ANGPT1: variants seen among roughly 807,000 people sequenced by gnomAD.
The protein encoded by ANGPT1 is angiopoietin 1.
ANGPT1 carries 17 observed loss-of-function variants against 62.2 expected under a neutral mutation model. The ratio of observed to expected loss-of-function variants is 0.27; its 90% CI spans 0.19 to 0.41. The LOEUF is 0.41. Ranked by LOEUF, ANGPT1 falls within the 10% of genes least tolerant of loss-of-function variation. ANGPT1 has a pLI of 1.00. For synonymous variants in ANGPT1, 199 were observed against 198.9 expected, an observed-to-expected ratio of 1.00 and a Z score of 0.00; for missense variants, 478 against 594.9, an observed-to-expected ratio of 0.80 and a Z score of 2.04.
intron 1 of ANGPT1, among the ~76,000 whole-genome samples, chr8:107,476,326 A>G (rs867221813): frequency 1.3e-5 from 2 of 152,264 alleles, no homozygotes; most frequent in South Asian, 4.1e-4. Context: ...TCAGCAAACT[A>G]TTGCAAGGAC....
At chr8:107,290,623 A>G (rs1814251089) in intron 6 of ANGPT1, among the ~76,000 whole-genome samples, 1 of 152,222 alleles carries the variant, frequency 6.6e-6, no homozygotes, top group East Asian at 1.9e-4. Flanking sequence ...CATATGATGA[A>G]TATTTTCAAT....
At position 107,295,460 on chromosome 8, in the gene ANGPT1, C is replaced by T. The variant is rs917375777; in HGVS notation, c.937-1423G>A. 1.3e-5 allele frequency: 2 copies of T among 152,084 alleles called. 1 individual carries two copies. Among genetic ancestry groups the T allele is most frequent in the Non-Finnish European group, 2.9e-5 (2 of 68,022 alleles). The allele number at this position is 152,084 out of a possible 1,614,324, so 9.4% of individuals were successfully genotyped here. A position where few individuals can be genotyped will look rare whatever the true frequency, so the allele number is the denominator to read the frequency against. On this transcript the variant is annotated intron_variant, in intron 5 of 8. Coordinates refer to ENST00000517746, the MANE Select transcript of ANGPT1 (RefSeq NM_001146.5). ...TTACTCAACAACCATTCTTGGGCAT[C>T]AGTTTTCACTTACAACTGGGGGTAT...
chr8:107,352,761 C>T (rs998880427), intron 1 of ANGPT1, among the ~76,000 whole-genome samples: 2 of 152,032 alleles, frequency 1.3e-5, no homozygotes, highest in African/African-American at 4.8e-5. Flanking sequence ...TTAAATGGAC[C>T]TTCATTGGAT....
chr8:107,299,766 T>C (rs1202161889), intron 5 of ANGPT1, among the ~76,000 whole-genome samples: 2 of 122,436 alleles, frequency 1.6e-5, no homozygotes, highest in Non-Finnish European at 3.3e-5. Context: ...TGTAGTTATA[T>C]CTAGATATAC....
intron 1 of ANGPT1, among the ~76,000 whole-genome samples, chr8:107,458,218 T>C (rs1309142513): frequency 6.6e-6 from 1 of 152,198 alleles, no homozygotes; most frequent in African/African-American, 2.4e-5. Flanking sequence ...TATGATCACA[T>C]TCTAACATGC....
At chr8:107,295,666 G>GT (rs1586197041) in intron 5 of ANGPT1, 1 of 152,076 alleles carries the variant, frequency 6.6e-6, no homozygotes, top group Admixed American at 6.6e-5. Flanking sequence ...AATGATCATA[G>GT]TTTTGGATAC....
At chr8:107,427,312 G>A (rs540048941) in intron 1 of ANGPT1, among the ~76,000 whole-genome samples, 52 of 152,312 alleles carry the variant, frequency 3.4e-4, no homozygotes, top group South Asian at 2.5e-3. Context: ...TCATTGCTAA[G>A]TGTCACTACC....
At chr8:107,272,135 G>A (rs981348950) in intron 7 of ANGPT1, among the ~76,000 whole-genome samples, 20 of 152,000 alleles carry the variant, frequency 1.3e-4, no homozygotes, top group African/African-American at 4.6e-4. Context: ...AGCTACAGAT[G>A]TCCTGAGGTA....
chr8:107,496,177 A>G (rs934199774), intron 1 of ANGPT1, among the ~76,000 whole-genome samples: 3 of 152,206 alleles, frequency 2.0e-5, no homozygotes, highest in African/African-American at 7.2e-5. Context: ...ATCTACATGT[A>G]CCAAGTGAAT....
At position 107,273,678 on chromosome 8, in the gene ANGPT1, C is replaced by T. The variant is rs114926216; in HGVS notation, c.1206-9327G>A. 3.0e-3 allele frequency among the ~76,000 whole-genome samples: 463 copies of T among 152,152 alleles called. 4 individuals are homozygous for T. Among genetic ancestry groups the T allele is most frequent in the African/African-American group, 0.01 (433 of 41,528 alleles). On this transcript the variant is annotated intron_variant, in intron 7 of 8. Coordinates refer to ENST00000517746, the MANE Select transcript of ANGPT1 (RefSeq NM_001146.5). Reference sequence around the variant, plus strand: ...CATACTTGCCTCATGAGCGCTTACTCATTTCACACATCTCTAAGGATTTCC... The same window carrying T: ...CATACTTGCCTCATGAGCGCTTACTTATTTCACACATCTCTAAGGATTTCC...
intron 2 of ANGPT1, among the ~76,000 whole-genome samples, chr8:107,342,132 T>A (rs2130140315): frequency 6.6e-6 from 1 of 152,324 alleles, no homozygotes; most frequent in Non-Finnish European, 1.5e-5. Context: ...CAGACATCTT[T>A]GCAGTAGACT....
intron 1 of ANGPT1, among the ~76,000 whole-genome samples, chr8:107,462,386 G>A (rs1405780280): frequency 1.3e-5 from 2 of 150,858 alleles, no homozygotes; most frequent in Non-Finnish European, 2.9e-5. Flanking sequence ...TAGACAATTT[G>A]GTTCAGCCAT....
At chr8:107,271,826 CCAT>C (rs1813742811) in intron 7 of ANGPT1, among the ~76,000 whole-genome samples, 2 of 150,950 alleles carry the variant, frequency 1.3e-5, no homozygotes, top group Non-Finnish European at 3.0e-5. Flanking sequence ...AATTTTCTTG[CCAT>C]CATATAATAT....
chr8:107,434,036 C>T (rs1474151608), intron 1 of ANGPT1, among the ~76,000 whole-genome samples: 1 of 152,142 alleles, frequency 6.6e-6, no homozygotes, highest in Non-Finnish European at 1.5e-5. Context: ...ATATCATACT[C>T]AGTGAGTCAA....
chr8:107,270,654 T>G (rs1002742536), intron 7 of ANGPT1, among the ~76,000 whole-genome samples: 1 of 152,058 alleles, frequency 6.6e-6, no homozygotes, highest in Non-Finnish European at 1.5e-5. Flanking sequence ...CCTGGAGATA[T>G]ATTCTATAAC....
chr8:107,399,247 C>T (rs1436322652), intron 1 of ANGPT1, among the ~76,000 whole-genome samples: 1 of 152,100 alleles, frequency 6.6e-6, no homozygotes, highest in Non-Finnish European at 1.5e-5. Context: ...TATACCTTCT[C>T]CATCATCAAC....
intron 5 of ANGPT1, 42 bp downstream of exon 5, chr8:107,303,198 G>C (rs1260166469): frequency 1.3e-6 from 2 of 1,598,350 alleles, no homozygotes; most frequent in Middle Eastern, 1.7e-4. Context: ...AATTCAACTG[G>C]GATCTGGCTT....
chr8:107,358,210 T>A (rs890374210), intron 1 of ANGPT1, among the ~76,000 whole-genome samples: 1 of 152,206 alleles, frequency 6.6e-6, no homozygotes, highest in Admixed American at 6.5e-5. Context: ...CAAAGCATTA[T>A]GTGTGAGGTC....
intron 1 of ANGPT1, among the ~76,000 whole-genome samples, chr8:107,386,894 G>C (rs565188192): frequency 2.0e-5 from 3 of 152,174 alleles, no homozygotes; most frequent in Admixed American, 2.0e-4. Flanking sequence ...TAAAAACTGA[G>C]TAATCTATGG....
Sources: allele counts gnomAD v4.1 joint callset (sites outside exome capture counted in the v4.1 genomes callset), GRCh38; gene constraint gnomAD v4.1.1; transcripts MANE v1.5; gene names NCBI Gene and HGNC (gene_info 2026-07-23, HGNC 2026-07-21).